The following NID1 variants were observed in gnomAD, a reference collection of about 807,000 sequenced individuals.
The protein encoded by NID1 is nidogen-1.
In NID1, 76 loss-of-function variants were observed where a neutral mutation model predicts 130.6. The ratio of observed to expected loss-of-function variants is 0.58; its 90% confidence interval spans 0.48 to 0.70. The LOEUF (loss-of-function observed/expected upper bound fraction) is 0.70. Ranked by LOEUF, NID1 falls within the 30% of genes least tolerant of loss-of-function variation. The probability of loss-of-function intolerance (pLI) is 0.00; values close to 1 mark genes in which losing one functional copy is unlikely to be tolerated. For missense variants in NID1, 1,517 were observed against 1,664.8 expected (o/e 0.91, Z 1.54); for synonymous variants, 665 against 675.1 (o/e 0.98, Z 0.23).
At chr1:236,017,424 GC>G (rs1658633536) in intron 9 of NID1, 151 bp from the exon 10 acceptor site, 2 of 830,974 alleles carry the variant, frequency 2.4e-6, no homozygotes, top group East Asian at 6.1e-5. Flanking sequence ...TTGCTCTGTC[GC>G]CCAGAGCTGG....
chr1:236,041,315 C>T (rs1356193248), intron 4 of NID1, among the ~76,000 whole-genome samples: 41 of 152,136 alleles, frequency 2.7e-4, no homozygotes, highest in Admixed American at 2.6e-3. Flanking sequence ...ATCCACCTGC[C>T]TCGGCCTCCC....
intron 9 of NID1, 73 bp downstream of exon 9, chr1:236,023,997 T>C: frequency 6.3e-7 from 1 of 1,580,822 alleles, no homozygotes; most frequent in Non-Finnish European, 8.6e-7. Context: ...CCCAGTTCTC[T>C]GGTTTACAGA....
At chr1:235,978,530 C>G (rs549459950) in intron 19 of NID1, among the ~76,000 whole-genome samples, 98 of 152,308 alleles carry the variant, frequency 6.4e-4, no homozygotes, top group African/African-American at 2.3e-3. Flanking sequence ...ACCTACCTCA[C>G]AGGGTTGCTA....
At chr1:236,026,341 C>G (rs769125632) in intron 7 of NID1, among the ~76,000 whole-genome samples, 200 bp from the exon 8 acceptor site, 29 of 152,186 alleles carry the variant, frequency 1.9e-4, no homozygotes. Flanking sequence ...TACCTGGATT[C>G]CCCATATGAT....
rs1657237977 is a variant in NID1, at chr1:235,976,047, T to C, written c.*1820A>G. 1 of 152,418 alleles carries C rather than the reference T, an allele frequency of 6.6e-6. No individual in the cohort carries two copies. The highest frequency in any genetic ancestry group is 1.5e-5 in the Non-Finnish European group (1 of 68,008). The allele number at this position is 152,418 out of a possible 1,614,324, so 9.4% of individuals were successfully genotyped here. ...ACAAAATCATGATGAACATTTGATA[T>C]AGAGGGTTTAATATGAAACGATAAA... On this transcript the variant is annotated 3_prime_UTR_variant, in exon 20 of 20. Transcript: ENST00000264187.
chr1:236,034,360 T>G (rs549228231), intron 5 of NID1, among the ~76,000 whole-genome samples: 1 of 144,350 alleles, frequency 6.9e-6, no homozygotes, highest in Admixed American at 7.2e-5. Context: ...AGGCAGAGGT[T>G]GCAGTGAGCT....
intron 4 of NID1, among the ~76,000 whole-genome samples, chr1:236,039,351 C>A (rs914961405): frequency 2.0e-5 from 3 of 151,532 alleles, no homozygotes; most frequent in African/African-American, 7.3e-5. Flanking sequence ...GTAGCTGGGA[C>A]TGCAGGCGGG....
At chr1:236,017,017 A>T (rs1658613322) in intron 10 of NID1, 131 bp downstream of exon 10, 2 of 1,167,176 alleles carry the variant, frequency 1.7e-6, no homozygotes, top group Admixed American at 3.8e-5. Flanking sequence ...AGTCTGATTC[A>T]TCTTTATAAA....
intron 17 of NID1, 58 bp downstream of exon 17, chr1:235,980,438 C>T (rs1657403608): frequency 3.8e-6 from 6 of 1,577,230 alleles, no homozygotes; most frequent in Non-Finnish European, 5.2e-6. Context: ...CCCTAGTTTG[C>T]CCACCCCTGA....
chr1:236,057,496 G>A (rs560014680), intron 1 of NID1, among the ~76,000 whole-genome samples: 56 of 151,826 alleles, frequency 3.7e-4, no homozygotes, highest in Non-Finnish European at 7.2e-4. Flanking sequence ...TTGGGAGGCT[G>A]AGGCGGGCGG....
intron 10 of NID1, 97 bp downstream of exon 10, chr1:236,017,051 C>G: frequency 6.5e-7 from 1 of 1,544,316 alleles, no homozygotes; most frequent in Non-Finnish European, 8.9e-7. Flanking sequence ...CACCTTCCAA[C>G]TTGACCAGAC....
chr1:235,978,893 A>G (rs1657349213), intron 19 of NID1, 102 bp downstream of exon 19: 1 of 760,052 alleles, frequency 1.3e-6, no homozygotes, highest in African/African-American at 1.7e-5. Context: ...CTCTTACGGC[A>G]TAATCAAGGC....
At position 235,979,065 on chromosome 1, in the gene NID1, C is replaced by T. The variant is rs546812606; in HGVS notation, c.3552G>A (p.Thr1184=). 7.4e-6 allele frequency: 12 copies of T among 1,614,062 alleles called. No homozygotes were observed. The highest frequency in any genetic ancestry group is 4.0e-5 in the African/African-American group (3 of 75,022). The change falls in exon 19 of 20, where the codon ACG becomes ACA. Residue 1184 remains threonine, a synonymous_variant. Coordinates refer to ENST00000264187, the MANE Select transcript of NID1 (RefSeq NM_002508.3). The surrounding 1 kb of genome is among the most constrained non-coding windows in gnomAD (Gnocchi z 4.6). ...TCTGCTTGTGGGGTTGGAAAGCATCCGTCTCCTTGGAAATTGCAAGATCGA... is the reference window on the plus strand; with the variant it reads ...TCTGCTTGTGGGGTTGGAAAGCATCTGTCTCCTTGGAAATTGCAAGATCGA... ...VALDLAISKE[T]DAFQPHKQTR... is the part of the protein sequence containing the mutation.
Position 236,013,451 on chromosome 1 carries a change from G to C in NID1, c.2364C>G (p.Ser788=), listed in dbSNP as rs1340531803. 6.2e-7 allele frequency: 1 copy of C among 1,614,128 alleles called. No individual in the cohort carries two copies. ...IYTGGSSYTC[S]CLPGFSGDGQ... is the part of the protein sequence containing the mutation. The stretch of plus-strand genomic sequence containing the variant: ...CATCCCCAGAAAAGCCTGGCAAGCA[G>C]GAACAGGTGTAGGAGGAGCCTCCTG... The change falls in exon 11 of 20, where the codon TCC becomes TCG. Residue 788 remains serine (S), a synonymous_variant. Transcript: ENST00000264187.
At chr1:236,063,486 A>G (rs1033202875) in intron 1 of NID1, among the ~76,000 whole-genome samples, 1 of 141,866 alleles carries the variant, frequency 7.0e-6, no homozygotes, top group Admixed American at 6.8e-5. Context: ...AAAAAAATAA[A>G]TAAATAAATA....
intron 16 of NID1, 140 bp from the exon 17 acceptor site, chr1:235,980,793 G>T: frequency 1.1e-6 from 1 of 921,028 alleles, no homozygotes; most frequent in Non-Finnish European, 1.6e-6. Flanking sequence ...ATCGAGAGGT[G>T]ATAAAACACA....
In NID1 at chr1:236,048,889, G is replaced by T. The variant is rs202192927; in HGVS notation, c.326C>A (p.Ala109Glu). The T allele has an allele frequency of 4.3e-6, 7 of 1,613,782 alleles. No homozygotes were observed. The Admixed American group carries it at 6.7e-5, about 15-fold the overall frequency. Residue 109 changes from alanine to glutamate, a missense_variant, in exon 2 of 20, where the codon GCG becomes GAG. Ala to Glu is a moderately radical substitution (Grantham distance 107). This residue lies in a region of NID1 where 1,329 missense variants were observed against 1,429.2 expected (regional missense o/e 0.93). Coordinates refer to ENST00000264187, the MANE Select transcript of NID1 (RefSeq NM_002508.3). ...CAGGCCATCGGTCGTGTCCAAGTCC[G>T]CCAGGAAAGGGGCGACTGCACCGAA... ...PTFGAVAPFLADLDTTDGLGK... is the reference protein window; with the variant it reads ...PTFGAVAPFLEDLDTTDGLGK...
At chr1:236,002,122 C>T (rs560070417) in intron 12 of NID1, among the ~76,000 whole-genome samples, 1 of 152,320 alleles carries the variant, frequency 6.6e-6, no homozygotes, top group South Asian at 2.1e-4. Flanking sequence ...GTGGGAGAAG[C>T]GGCTGGCTGT....
chr1:236,001,031 C>A (rs536102648), intron 12 of NID1, among the ~76,000 whole-genome samples: 1 of 152,264 alleles, frequency 6.6e-6, no homozygotes, highest in East Asian at 1.9e-4. Context: ...TCTGAGCATG[C>A]ACCTCTGGGA....
Sources: allele counts gnomAD v4.1 joint callset (sites outside exome capture counted in the v4.1 genomes callset), GRCh38; gene constraint gnomAD v4.1.1; regional missense constraint gnomAD v4.1.1; non-coding constraint Gnocchi (gnomAD v3.1); transcripts MANE v1.5; gene names NCBI Gene and HGNC (gene_info 2026-07-23, HGNC 2026-07-21).